The following RNF135 variants were observed in gnomAD, a reference collection of about 807,000 sequenced individuals.
RNF135 encodes E3 ubiquitin-protein ligase RNF135.
In RNF135, 46 loss-of-function variants were observed where a neutral mutation model predicts 41.9. The ratio of observed to expected loss-of-function variants is 1.10; its 90% CI spans 0.87 to 1.40. The LOEUF (loss-of-function observed/expected upper bound fraction) is 1.40, where lower values mean the gene tolerates loss of function less well. Ranked by LOEUF, RNF135 falls within the 40% of genes most tolerant of loss-of-function variation. The pLI is 0.00. For synonymous variants in RNF135, 238 were observed against 223.8 expected (o/e 1.06, Z -0.57); for missense variants, 539 against 549.8 (o/e 0.98, Z 0.20).
chr17:30,971,790 CTTT>C, intron 1 of RNF135: 1 of 978,028 alleles, frequency 1.0e-6, no homozygotes, highest in Non-Finnish European at 1.3e-6. Context: ...TAACCTTTTT[CTTT>C]ATTTCTTTGA....
chr17:30,997,395 C>T, intron 4 of RNF135, 64 bp downstream of exon 4: 1 of 1,332,496 alleles, frequency 7.5e-7, no homozygotes, highest in South Asian at 1.2e-5. Context: ...CGAGAATATC[C>T]TACATCCATC....
chr17:30,992,546 G>T (rs769333692), intron 3 of RNF135, among the ~76,000 whole-genome samples: 38 of 151,640 alleles, frequency 2.5e-4, no homozygotes, highest in Non-Finnish European at 4.1e-4. Flanking sequence ...GCTCACCCCA[G>T]CCTTGACCTC....
At chr17:30,984,548 C>T in intron 1 of RNF135, 69 bp from the exon 2 acceptor site, 1 of 1,528,968 alleles carries the variant, frequency 6.5e-7, no homozygotes, top group Non-Finnish European at 9.1e-7. Context: ...TTTATGATTC[C>T]CTCTGTCTAG....
At chr17:30,972,520 C>A (rs1449356159) in intron 1 of RNF135, 3 of 152,190 alleles carry the variant, frequency 2.0e-5, no homozygotes, top group African/African-American at 7.2e-5. Flanking sequence ...TAAACAGAAA[C>A]TTTGTACTCA....
intron 1 of RNF135, among the ~76,000 whole-genome samples, chr17:30,983,441 T>A (rs187716082): frequency 6.9e-6 from 1 of 144,434 alleles, no homozygotes; most frequent in East Asian, 2.1e-4. Context: ...GCAACCTCCA[T>A]CTCCTGGGTT....
upstream of RNF135, chr17:30,970,985 G>A: frequency 1.3e-6 from 2 of 1,508,670 alleles, no homozygotes; most frequent in Non-Finnish European, 1.8e-6. Context: ...AAAAGGAGGA[G>A]GGCAAGGGGA....
chr17:30,993,170 C>T (rs1908107564), intron 3 of RNF135, among the ~76,000 whole-genome samples: 1 of 151,768 alleles, frequency 6.6e-6, no homozygotes, highest in African/African-American at 2.4e-5. Context: ...AAGCAATTCT[C>T]CTGCCTCAGC....
intron 1 of RNF135, among the ~76,000 whole-genome samples, chr17:30,983,543 G>A (rs1200587061): frequency 2.7e-5 from 4 of 150,268 alleles, no homozygotes; most frequent in Admixed American, 1.3e-4. Flanking sequence ...TAGTAGAGAT[G>A]GGGTTTCACC....
chr17:30,970,803 C>G, upstream of RNF135: 1 of 544,120 alleles, frequency 1.8e-6, no homozygotes, highest in Non-Finnish European at 3.3e-6. Context: ...TCTTGGAGAC[C>G]TCCGCGGGTT....
In RNF135 at chr17:30,998,774, T is replaced by C; in HGVS notation, c.882T>C (p.Cys294=). ...GCCCACAACCCTATCGCTGGAGCTGTGAGAGGTTTTCTACCAGCCAGGTCT... is the reference window on the plus strand; with the variant it reads ...GCCCACAACCCTATCGCTGGAGCTGCGAGAGGTTTTCTACCAGCCAGGTCT... ...SHRPQPYRWS[C]ERFSTSQVLC... is the part of the protein sequence containing the mutation. The change falls in exon 5 of 5, where the codon TGT becomes TGC. Residue 294 remains cysteine (C), a synonymous_variant. Transcript: ENST00000328381. 2 of 1,613,218 alleles carry C rather than the reference T, an allele frequency of 1.2e-6. No individual in the cohort carries two copies. The highest frequency in any genetic ancestry group is 1.7e-6 in the Non-Finnish European group (2 of 1,179,712).
At position 30,971,290 on chromosome 17, in the gene RNF135, C is replaced by G. The variant is rs763876166; in HGVS notation, c.217C>G (p.Arg73Gly). ...RQGAAQQPHLRKNTLLQDLAD... is the reference protein window; with the variant it reads ...RQGAAQQPHLGKNTLLQDLAD... ...GGGCGCCGCGCAGCAGCCGCACCTG[C>G]GGAAGAACACGCTACTGCAGGACCT... Residue 73 changes from arginine (R) to glycine (G), a missense_variant, in exon 1 of 5, where the codon CGG becomes GGG. Around this residue, in one of 2 missense-constraint regions of RNF135, gnomAD observed 277 missense variants for 212.8 expected, o/e 1.30. Transcript: ENST00000328381. 3 of 1,528,184 alleles carry G rather than the reference C, an allele frequency of 2.0e-6. No homozygotes were observed. Among genetic ancestry groups the G allele is most frequent in the Non-Finnish European group, 1.8e-6 (2 of 1,141,602 alleles). 94.7% of individuals were successfully genotyped at this position (1,528,184 alleles called of 1,614,324 possible). A position where few individuals can be genotyped will look rare whatever the true frequency, so the allele number is the denominator to read the frequency against.
At chr17:30,970,246 G>A (rs1739364155), upstream of RNF135, 2 of 150,588 alleles carry the variant, frequency 1.3e-5, 1 homozygote, top group South Asian at 4.2e-4. Flanking sequence ...TGCTCTTTTA[G>A]CTCTAACATT....
chr17:30,991,069 A>G (rs766847149), intron 3 of RNF135, among the ~76,000 whole-genome samples: 1 of 152,220 alleles, frequency 6.6e-6, no homozygotes, highest in Non-Finnish European at 1.5e-5. Flanking sequence ...TTTGATATAC[A>G]TTGCCAAATC....
intron 1 of RNF135, among the ~76,000 whole-genome samples, chr17:30,979,771 TCC>T (rs1281089386): frequency 2.4e-5 from 1 of 41,956 alleles, no homozygotes; most frequent in Non-Finnish European, 4.7e-5. Flanking sequence ...CTGACCCCCC[TCC>T]CCCCTCCCGG....
intron 4 of RNF135, among the ~76,000 whole-genome samples, chr17:30,997,821 A>C (rs1908466823): frequency 6.6e-6 from 1 of 152,162 alleles, no homozygotes; most frequent in African/African-American, 2.4e-5. Context: ...TGTAAAATGG[A>C]GATAATATAG....
At chr17:30,977,800 C>T (rs1044884208) in intron 1 of RNF135, among the ~76,000 whole-genome samples, 4 of 152,190 alleles carry the variant, frequency 2.6e-5, no homozygotes, top group African/African-American at 9.7e-5. Flanking sequence ...AACTCCTGAC[C>T]TCAGGTGATC....
In RNF135 at chr17:30,999,027, T is replaced by A; in HGVS notation, c.1135T>A (p.Trp379Arg). 6.2e-7 allele frequency: 1 copy of A among 1,614,218 alleles called. No individual in the cohort carries two copies. The highest frequency in any genetic ancestry group is 8.5e-7 in the Non-Finnish European group (1 of 1,180,042). ...AGACAGACCTGGGGTGGTGGGCATCTGGCTGAACCTTGAGGAGGGAAAGCT... is the reference window on the plus strand; with the variant it reads ...AGACAGACCTGGGGTGGTGGGCATCAGGCTGAACCTTGAGGAGGGAAAGCT... ...GSDRPGVVGIWLNLEEGKLAF... is the reference protein window; with the variant it reads ...GSDRPGVVGIRLNLEEGKLAF... Residue 379 changes from tryptophan to arginine, a missense_variant, in exon 5 of 5, where the codon TGG becomes AGG. Trp to Arg is a moderately radical substitution (Grantham distance 101, BLOSUM62 -3). This residue lies in a region of RNF135 where 262 missense variants were observed against 336.9 expected (regional missense o/e 0.78). Coordinates refer to ENST00000328381, the MANE Select transcript of RNF135 (RefSeq NM_032322.4).
chr17:30,982,309 A>G lies in RNF135; in HGVS notation c.373-2308A>G, dbSNP rs183073796. Among the ~76,000 whole-genome samples the G allele has an allele frequency of 7.9e-4, 120 of 152,294 alleles. 1 individual carries two copies. Among genetic ancestry groups the G allele is most frequent in the Admixed American group, 7.8e-3 (120 of 15,296 alleles). Reference sequence around the variant, plus strand: ...CAGGTTCCAATAACTGGGGTGGGTGATTTGATTCCTCTCTGGCTAGGACTG... The same window carrying G: ...CAGGTTCCAATAACTGGGGTGGGTGGTTTGATTCCTCTCTGGCTAGGACTG... On this transcript the variant is annotated intron_variant, in intron 1 of 4. Coordinates refer to ENST00000328381, the MANE Select transcript of RNF135 (RefSeq NM_032322.4).
Position 30,983,934 on chromosome 17 carries a change from T to C in RNF135, c.373-683T>C, listed in dbSNP as rs369726246. On this transcript the variant is annotated intron_variant, in intron 1 of 4. Coordinates refer to ENST00000328381, the MANE Select transcript of RNF135 (RefSeq NM_032322.4). ...AATAGCTATTCAAGTTCTTTGCCCA[T>C]TTCAAAATTCAGTTGTTTGTGGGTT... 1.3e-4 allele frequency among the ~76,000 whole-genome samples: 20 copies of C among 152,310 alleles called. No individual in the cohort carries two copies. The South Asian group carries it at 4.1e-3, about 32-fold the overall frequency.
Sources: gnomAD v4.1 joint callset for allele counts (sites outside exome capture counted in the v4.1 genomes callset) on GRCh38, gnomAD v4.1.1 for gene constraint, gnomAD v4.1.1 regional missense constraint, MANE v1.5 for transcripts, NCBI Gene and HGNC (gene_info 2026-07-23, HGNC 2026-07-21) for gene names.